Variants in MYRIP observed in about 807,000 individuals in gnomAD.
MYRIP encodes the protein rab effector MyRIP.
A neutral mutation model predicts 98.0 loss-of-function variants in MYRIP; 49 were observed. The observed-to-expected ratio is 0.50, with a 90% CI of 0.40 to 0.63. The LOEUF (loss-of-function observed/expected upper bound fraction) is 0.63. Ranked by LOEUF, MYRIP falls within the 30% of genes least tolerant of loss-of-function variation. The probability of loss-of-function intolerance (pLI) is 0.00; values close to 1 mark genes in which losing one functional copy is unlikely to be tolerated. For synonymous variants in MYRIP, 404 were observed against 409.5 expected, an observed-to-expected ratio of 0.99 and a Z score of 0.16; for missense variants, 1,004 against 1,058.2, an observed-to-expected ratio of 0.95 and a Z score of 0.71.
intron 2 of MYRIP, among the ~76,000 whole-genome samples, chr3:40,028,541 A>G (rs1947187072): frequency 6.6e-6 from 1 of 152,210 alleles, no homozygotes; most frequent in East Asian, 1.9e-4. Flanking sequence ...TTGCACATTT[A>G]AAACCTCTAG....
intron 1 of MYRIP, among the ~76,000 whole-genome samples, chr3:39,855,324 T>A (rs1278252299): frequency 6.6e-6 from 1 of 152,144 alleles, no homozygotes. Flanking sequence ...AGTAGGGGAA[T>A]CCAAGTTTGC....
At chr3:40,023,831 T>C (rs1273361115) in intron 2 of MYRIP, among the ~76,000 whole-genome samples, 2 of 152,176 alleles carry the variant, frequency 1.3e-5, no homozygotes, top group Non-Finnish European at 2.9e-5. Context: ...TGTTTTTATA[T>C]CCTAGATACT....
chr3:40,009,629 T>A (rs965099031), intron 2 of MYRIP, among the ~76,000 whole-genome samples: 8 of 152,190 alleles, frequency 5.3e-5, no homozygotes, highest in Admixed American at 1.3e-4. Flanking sequence ...AGGGCATACA[T>A]GTCTTCTGGA....
chr3:40,226,939 G>A (rs1013360574), intron 11 of MYRIP, among the ~76,000 whole-genome samples: 1 of 152,086 alleles, frequency 6.6e-6, no homozygotes, highest in Non-Finnish European at 1.5e-5. Flanking sequence ...GCCTGCCCTG[G>A]GCTGCAGTGC....
At chr3:39,865,832 T>G (rs1292332151) in intron 1 of MYRIP, among the ~76,000 whole-genome samples, 1 of 152,120 alleles carries the variant, frequency 6.6e-6, no homozygotes, top group Non-Finnish European at 1.5e-5. Context: ...ATATACCCAA[T>G]GGAATATAAA....
At chr3:40,110,908 GTGTGTGTGTGT>G (rs1381487973) in intron 3 of MYRIP, among the ~76,000 whole-genome samples, 3 of 151,664 alleles carry the variant, frequency 2.0e-5, no homozygotes, top group African/African-American at 7.3e-5. Flanking sequence ...GTGTGTGTGT[GTGTGTGTGTGT>G]GTGTGTGTAG....
At chr3:40,071,631 G>T (rs1948232750) in intron 3 of MYRIP, among the ~76,000 whole-genome samples, 1 of 152,166 alleles carries the variant, frequency 6.6e-6, no homozygotes, top group Admixed American at 6.5e-5. Context: ...CCTGGCTTCT[G>T]ATGGAAGGGA....
intron 3 of MYRIP, among the ~76,000 whole-genome samples, chr3:40,047,670 C>G (rs1446421585): frequency 1.3e-5 from 2 of 152,164 alleles, no homozygotes; most frequent in African/African-American, 4.8e-5. Context: ...AATTCAATCA[C>G]AGGAACCTGT....
chr3:39,982,609 C>G (rs995617903), intron 2 of MYRIP, among the ~76,000 whole-genome samples: 1 of 152,082 alleles, frequency 6.6e-6, no homozygotes, highest in African/African-American at 2.4e-5. Flanking sequence ...CATAACAAAT[C>G]TAGTAATTTC....
At chr3:39,856,975 C>T (rs1389864198) in intron 1 of MYRIP, among the ~76,000 whole-genome samples, 1 of 152,022 alleles carries the variant, frequency 6.6e-6, no homozygotes, top group African/African-American at 2.4e-5. Context: ...CTTTGGGAGG[C>T]CAATCTCAGC....
At chr3:39,899,420 T>G (rs139352859) in intron 1 of MYRIP, among the ~76,000 whole-genome samples, 7 of 152,182 alleles carry the variant, frequency 4.6e-5, no homozygotes, top group Admixed American at 1.3e-4. Flanking sequence ...TTTATTTATT[T>G]ATTTATTTTT....
intron 11 of MYRIP, among the ~76,000 whole-genome samples, chr3:40,229,121 T>A (rs1028896542): frequency 6.6e-6 from 1 of 152,250 alleles, no homozygotes; most frequent in African/African-American, 2.4e-5. Flanking sequence ...CTGTTTAGAA[T>A]GAAAATATTT....
intron 2 of MYRIP, among the ~76,000 whole-genome samples, chr3:39,937,224 C>G (rs146782879): frequency 6.6e-6 from 1 of 152,194 alleles, no homozygotes; most frequent in East Asian, 1.9e-4. Context: ...TAGGGATGAC[C>G]TGTCTGAGAC....
At chr3:40,125,195 T>A (rs907554226) in intron 3 of MYRIP, among the ~76,000 whole-genome samples, 5 of 152,194 alleles carry the variant, frequency 3.3e-5, no homozygotes, top group African/African-American at 1.2e-4. Flanking sequence ...AGCTCTGTAA[T>A]AGAGTTCTCT....
At chr3:40,146,084 T>C (rs1451958300) in intron 3 of MYRIP, among the ~76,000 whole-genome samples, 2 of 152,208 alleles carry the variant, frequency 1.3e-5, no homozygotes, top group African/African-American at 4.8e-5. Context: ...GTCAATATGT[T>C]GATATACTGA....
At chr3:39,828,868 A>G (rs1941350308) in intron 1 of MYRIP, among the ~76,000 whole-genome samples, 1 of 151,946 alleles carries the variant, frequency 6.6e-6, no homozygotes, top group East Asian at 1.9e-4. Flanking sequence ...TTCTTTATCC[A>G]CTCATTGATT....
At chr3:40,216,220 G>A (rs190906849) in intron 11 of MYRIP, among the ~76,000 whole-genome samples, 1 of 152,298 alleles carries the variant, frequency 6.6e-6, no homozygotes, top group East Asian at 1.9e-4. Flanking sequence ...AGAATGAGAT[G>A]CTGGACAGAA....
intron 11 of MYRIP, among the ~76,000 whole-genome samples, chr3:40,220,458 T>C (rs566713366): frequency 2.6e-5 from 4 of 152,222 alleles, no homozygotes; most frequent in South Asian, 4.1e-4. Flanking sequence ...CTAGGGTTTT[T>C]ATGGTTTTAG....
intron 4 of MYRIP, among the ~76,000 whole-genome samples, chr3:40,158,101 T>C (rs993480462): frequency 5.3e-5 from 8 of 152,194 alleles, no homozygotes; most frequent in African/African-American, 1.7e-4. Context: ...GTGTCCATTT[T>C]GGATCTTTCC....
Sources: allele counts gnomAD v4.1 joint callset (sites outside exome capture counted in the v4.1 genomes callset), GRCh38; gene constraint gnomAD v4.1.1; transcripts MANE v1.5; gene names NCBI Gene and HGNC (gene_info 2026-07-23, HGNC 2026-07-21).